Variants in NELL1 observed in about 807,000 individuals in gnomAD.
NELL1 encodes neural EGFL like 1.
In NELL1, 76 loss-of-function variants were observed where a neutral mutation model predicts 107.4. The observed-to-expected ratio is 0.71, with a 90% CI of 0.59 to 0.86. NELL1 has a LOEUF of 0.86. Among genes scored for constraint, NELL1 ranks in the 40% least tolerant of loss-of-function variants. The pLI is 0.00. For missense variants in NELL1, 1,024 were observed against 1,005.5 expected (o/e 1.02, Z -0.25); for synonymous variants, 353 against 341.2 (o/e 1.03, Z -0.38).
chr11:20,992,709 A>ATTTTTTTTT (rs56048576), intron 12 of NELL1, among the ~76,000 whole-genome samples: 2 of 114,476 alleles, frequency 1.7e-5, no homozygotes, highest in Non-Finnish European at 3.5e-5. Flanking sequence ...CAAAAGTGGC[A>ATTTTTTTTT]TTTTTTTTTT....
chr11:21,477,441 G>C (rs1854365310), intron 15 of NELL1, among the ~76,000 whole-genome samples: 1 of 152,098 alleles, frequency 6.6e-6, no homozygotes, highest in Admixed American at 6.6e-5. Flanking sequence ...AGGCAAGCAA[G>C]GTGGTACCTC....
chr11:20,777,996 C>T (rs114072790), intron 2 of NELL1, among the ~76,000 whole-genome samples: 75 of 152,332 alleles, frequency 4.9e-4, no homozygotes, highest in African/African-American at 1.8e-3. Context: ...GATGCTTTCT[C>T]TGCTGAACTT....
At chr11:20,860,992 G>C (rs1467452355) in intron 4 of NELL1, among the ~76,000 whole-genome samples, 1 of 152,232 alleles carries the variant, frequency 6.6e-6, no homozygotes, top group East Asian at 1.9e-4. Context: ...AAAATTTGAA[G>C]CTCACAGTAA....
chr11:21,258,722 G>C (rs1858832436), intron 14 of NELL1, among the ~76,000 whole-genome samples: 1 of 151,878 alleles, frequency 6.6e-6, no homozygotes, highest in African/African-American at 2.4e-5. Context: ...AATAATGTTT[G>C]ACCAAATATC....
chr11:20,907,958 A>C (rs1418174899), intron 5 of NELL1, among the ~76,000 whole-genome samples: 1 of 152,166 alleles, frequency 6.6e-6, no homozygotes, highest in East Asian at 1.9e-4. Context: ...AAAGAGTTAA[A>C]CATCACTGAT....
At chr11:21,203,079 G>C (rs1857307277) in intron 13 of NELL1, among the ~76,000 whole-genome samples, 1 of 152,280 alleles carries the variant, frequency 6.6e-6, no homozygotes, top group African/African-American at 2.4e-5. Context: ...ATGTGGTGCT[G>C]AGAAAAATGT....
At chr11:21,021,206 A>G (rs1159417580) in intron 12 of NELL1, among the ~76,000 whole-genome samples, 1 of 151,680 alleles carries the variant, frequency 6.6e-6, no homozygotes, top group East Asian at 1.9e-4. Context: ...ATTCAGTCTT[A>G]CAGCCAGTCT....
At chr11:20,844,456 C>CA (rs1848670550) in intron 3 of NELL1, among the ~76,000 whole-genome samples, 3 of 152,286 alleles carry the variant, frequency 2.0e-5, no homozygotes, top group Admixed American at 2.0e-4. Context: ...CTTTTGCTTA[C>CA]AAAATCTGGC....
chr11:21,374,879 GTGTGTGTC>G (rs796425087), intron 15 of NELL1, among the ~76,000 whole-genome samples: 5,558 of 100,288 alleles, frequency 0.055, 123 homozygotes, highest in South Asian at 0.19. Context: ...GGAACTGACT[GTGTGTGTC>G]TGTGTGTGTG....
At chr11:20,766,855 G>GC (rs1856541549) in intron 2 of NELL1, among the ~76,000 whole-genome samples, 2 of 151,552 alleles carry the variant, frequency 1.3e-5, no homozygotes, top group Admixed American at 1.3e-4. Context: ...TGATTCTCCT[G>GC]CCTCAGCCTC....
chr11:21,285,711 G>T (rs185760961), intron 14 of NELL1, among the ~76,000 whole-genome samples: 2 of 152,250 alleles, frequency 1.3e-5, no homozygotes, highest in Non-Finnish European at 2.9e-5. Flanking sequence ...GAGAACTATC[G>T]ATTGTAAACT....
chr11:20,786,350 C>CAA (rs112874692), intron 3 of NELL1, among the ~76,000 whole-genome samples: 19 of 125,392 alleles, frequency 1.5e-4, no homozygotes, highest in Admixed American at 1.7e-4. Flanking sequence ...AACCCCATCT[C>CAA]AAAAAAAAAA....
At chr11:21,115,400 G>A (rs1041470216) in intron 13 of NELL1, among the ~76,000 whole-genome samples, 9 of 151,430 alleles carry the variant, frequency 5.9e-5, no homozygotes, top group African/African-American at 2.2e-4. Flanking sequence ...TTGTGTGTGT[G>A]CCTAAGAGGG....
intron 2 of NELL1, among the ~76,000 whole-genome samples, chr11:20,731,614 A>G (rs1285776189): frequency 6.6e-6 from 1 of 152,240 alleles, no homozygotes; most frequent in Non-Finnish European, 1.5e-5. Flanking sequence ...TTATGTGTGC[A>G]TAGTAATTAA....
At chr11:20,709,095 G>A (rs999539000) in intron 2 of NELL1, among the ~76,000 whole-genome samples, 5 of 151,948 alleles carry the variant, frequency 3.3e-5, no homozygotes, top group Non-Finnish European at 7.4e-5. Flanking sequence ...TGTGTGGCCC[G>A]GTTCCTGACA....
In NELL1 at chr11:21,319,511, TA is replaced by T. The variant is rs1236505519; in HGVS notation, c.1550-51341del. Among the ~76,000 whole-genome samples, 307 of 146,516 alleles carry T rather than the reference TA, an allele frequency of 2.1e-3. 4 individuals are homozygous for T. The highest frequency in any genetic ancestry group is 7.3e-3 in the African/African-American group (295 of 40,254). On this transcript the variant is annotated intron_variant, in intron 14 of 19. Coordinates refer to ENST00000357134, the MANE Select transcript of NELL1 (RefSeq NM_006157.5). ...AGCTAAATTTATATATATATATATA[TA>T]TATATTTTTAGTAGAGACAGGTTTT...
At chr11:21,276,603 C>A (rs1478051241) in intron 14 of NELL1, among the ~76,000 whole-genome samples, 1 of 152,014 alleles carries the variant, frequency 6.6e-6, no homozygotes, top group East Asian at 1.9e-4. Flanking sequence ...AATCCTAAGC[C>A]AAAAGAACAA....
chr11:21,351,594 A>G (rs1850817448), intron 14 of NELL1, among the ~76,000 whole-genome samples: 1 of 151,864 alleles, frequency 6.6e-6, no homozygotes, highest in African/African-American at 2.4e-5. Flanking sequence ...CTGCTCACCC[A>G]GTTTTGTCTA....
chr11:20,905,041 T>C (rs2134137932), intron 5 of NELL1, among the ~76,000 whole-genome samples: 1 of 151,454 alleles, frequency 6.6e-6, no homozygotes, highest in African/African-American at 2.4e-5. Flanking sequence ...AGTCTCACTG[T>C]GTTGCCCAGG....
Sources: allele counts gnomAD v4.1 joint callset (sites outside exome capture counted in the v4.1 genomes callset), GRCh38; gene constraint gnomAD v4.1.1; transcripts MANE v1.5; gene names NCBI Gene and HGNC (gene_info 2026-07-23, HGNC 2026-07-21).